Variants in SPMIP3 observed in about 807,000 individuals in gnomAD.
SPMIP3 encodes the protein protein SPMIP3.
At chr1:244,357,229 T>TACTTTCTAATGAGGGCA in the SPMIP3 span, among the ~76,000 whole-genome samples, 1 of 58,336 alleles carries the variant, frequency 1.7e-5, no homozygotes, top group African/African-American at 5.2e-5. Context: ...CCATGGAGAT[T>TACTTTCTAATGAGGGCA]GAAACAAATA....
the SPMIP3 span, among the ~76,000 whole-genome samples, chr1:244,366,696 A>G: frequency 1.3e-5 from 2 of 152,118 alleles, no homozygotes; most frequent in Non-Finnish European, 2.9e-5. Context: ...CCTGGCCAAC[A>G]TGGTGAAACC....
the SPMIP3 span, among the ~76,000 whole-genome samples, chr1:244,357,540 C>A: frequency 6.6e-6 from 1 of 151,770 alleles, no homozygotes; most frequent in East Asian, 1.9e-4. Flanking sequence ...GAAACCTTGT[C>A]TCTACTAAAA....
the SPMIP3 span, among the ~76,000 whole-genome samples, chr1:244,360,760 T>C: frequency 6.6e-6 from 1 of 151,916 alleles, no homozygotes; most frequent in Non-Finnish European, 1.5e-5. Flanking sequence ...GGCAGGTGCC[T>C]GTAGTCCCAG....
At chr1:244,382,170 C>T in the SPMIP3 span, among the ~76,000 whole-genome samples, 7 of 151,886 alleles carry the variant, frequency 4.6e-5, no homozygotes, top group Admixed American at 6.6e-5. Context: ...TACCTGCTTC[C>T]GCAGGGCTGA....
chr1:244,374,177 C>A, the SPMIP3 span, among the ~76,000 whole-genome samples: 15 of 152,000 alleles, frequency 9.9e-5, no homozygotes, highest in African/African-American at 3.6e-4. Flanking sequence ...ACCTGAGCAC[C>A]ATTGCCCTCC....
At chr1:244,353,969 G>T in the SPMIP3 span, among the ~76,000 whole-genome samples, 1 of 152,118 alleles carries the variant, frequency 6.6e-6, no homozygotes, top group Non-Finnish European at 1.5e-5. Context: ...CGCCTTCTCT[G>T]CATCCTCAGA....
chr1:244,353,024 T>C, the SPMIP3 span, among the ~76,000 whole-genome samples: 1 of 152,206 alleles, frequency 6.6e-6, no homozygotes. Context: ...CAAGAAGACC[T>C]AGGTTTTAAA....
At chr1:244,389,278 C>G in the SPMIP3 span, 5 of 399,694 alleles carry the variant, frequency 1.3e-5, no homozygotes, top group Non-Finnish European at 2.3e-5. Context: ...AATTTAAGCC[C>G]CACTCCCAGT....
At chr1:244,374,292 T>A in the SPMIP3 span, among the ~76,000 whole-genome samples, 6 of 152,082 alleles carry the variant, frequency 3.9e-5, no homozygotes, top group East Asian at 1.2e-3. Context: ...AGTCCCCACA[T>A]GTTAGCTCAA....
chr1:244,375,626 A>G, the SPMIP3 span: 6 of 507,956 alleles, frequency 1.2e-5, no homozygotes, highest in African/African-American at 1.2e-4. Flanking sequence ...CCAAACTGTT[A>G]ATGTTTTTTT....
the SPMIP3 span, chr1:244,378,721 C>G: frequency 7.1e-7 from 1 of 1,418,044 alleles, no homozygotes; most frequent in Non-Finnish European, 9.7e-7. Flanking sequence ...GGCTTGCTGT[C>G]TCAGGGAGCC....
chr1:244,374,229 C>T, the SPMIP3 span, among the ~76,000 whole-genome samples: 1 of 152,132 alleles, frequency 6.6e-6, no homozygotes, highest in Non-Finnish European at 1.5e-5. Context: ...ACTTGTACCA[C>T]CCACCCTTGT....
the SPMIP3 span, among the ~76,000 whole-genome samples, chr1:244,367,931 G>A: frequency 6.6e-6 from 1 of 152,100 alleles, no homozygotes; most frequent in Non-Finnish European, 1.5e-5. Context: ...TTTCAGGAAG[G>A]AAAGGTTTTT....
chr1:244,379,014 C>T, the SPMIP3 span, among the ~76,000 whole-genome samples: 1 of 152,094 alleles, frequency 6.6e-6, no homozygotes, highest in Non-Finnish European at 1.5e-5. Context: ...CTGCAAACTC[C>T]GCCTCCTGGG....
chr1:244,383,229 T>TG, the SPMIP3 span, among the ~76,000 whole-genome samples: 1 of 152,048 alleles, frequency 6.6e-6, no homozygotes, highest in Admixed American at 6.6e-5. Context: ...TCAATAACCA[T>TG]GGATGGGTGT....
At chr1:244,378,430 A>G in the SPMIP3 span, 4 of 1,567,078 alleles carry the variant, frequency 2.6e-6, no homozygotes, top group South Asian at 4.8e-5. Flanking sequence ...GCTTTTTTCT[A>G]CTGGCTTTTC....
the SPMIP3 span, among the ~76,000 whole-genome samples, chr1:244,361,235 C>CTTTCTTTTTTTTTTTTT: frequency 2.5e-5 from 3 of 119,314 alleles, 1 homozygote; most frequent in African/African-American, 9.1e-5. Context: ...TTCTTTCTTT[C>CTTTCTTTTTTTTTTTTT]TTTTTTTTTT....
At chr1:244,352,933 C>T in the SPMIP3 span, among the ~76,000 whole-genome samples, 1 of 152,170 alleles carries the variant, frequency 6.6e-6, no homozygotes, top group African/African-American at 2.4e-5. Flanking sequence ...GAATTCTTGT[C>T]ATAGTTTTAA....
chr1:244,358,912 T>A, the SPMIP3 span, among the ~76,000 whole-genome samples: 110,559 of 151,920 alleles, frequency 0.73, 40,484 homozygotes, highest in South Asian at 0.8. Flanking sequence ...AATTAAATGT[T>A]TTCAGGGAGA....
Sources: gnomAD v4.1 joint callset for allele counts (sites outside exome capture counted in the v4.1 genomes callset) on GRCh38, gnomAD v4.1.1 for gene constraint, MANE v1.5 for transcripts, NCBI Gene and HGNC (gene_info 2026-07-23, HGNC 2026-07-21) for gene names.